ADCK1: variants seen among roughly 807,000 people sequenced by gnomAD.
ADCK1 encodes the protein aarF domain containing kinase 1.
In ADCK1, 41 loss-of-function variants were observed where a neutral mutation model predicts 52.3. The observed-to-expected ratio is 0.78, with a 90% CI of 0.61 to 1.02. The LOEUF (loss-of-function observed/expected upper bound fraction) is 1.02, where lower values mean the gene tolerates loss of function less well. Among genes scored for constraint, ADCK1 ranks in the 50% least tolerant of loss-of-function variants. The pLI is 0.00. For missense variants in ADCK1, 658 were observed against 679.5 expected, an observed-to-expected ratio of 0.97 and a Z score of 0.35; for synonymous variants, 250 against 274.6, an observed-to-expected ratio of 0.91 and a Z score of 0.89.
At chr14:77,907,730 G>A (rs1281613043) in intron 6 of ADCK1, 73 bp from the exon 7 acceptor site, 12 of 1,150,728 alleles carry the variant, frequency 1.0e-5, no homozygotes, top group East Asian at 2.6e-5. Flanking sequence ...TGTCTGGCTC[G>A]CTGTGCCACA....
chr14:77,850,798 C>T (rs1039553351), intron 3 of ADCK1, among the ~76,000 whole-genome samples: 3 of 149,250 alleles, frequency 2.0e-5, no homozygotes, highest in African/African-American at 4.9e-5. Context: ...CTACAGGTGC[C>T]CGCCACCACG....
At chr14:77,856,404 T>G (rs1030574649) in intron 3 of ADCK1, among the ~76,000 whole-genome samples, 2 of 152,190 alleles carry the variant, frequency 1.3e-5, no homozygotes, top group African/African-American at 2.4e-5. Flanking sequence ...TCTCTGTGTG[T>G]GGGGTGTGTA....
At chr14:77,927,697 G>T (rs28505869) in intron 9 of ADCK1, among the ~76,000 whole-genome samples, 15,121 of 152,182 alleles carry the variant, frequency 0.099, 840 homozygotes, top group Middle Eastern at 0.15. Flanking sequence ...GAGGCCCAAA[G>T]GACAAGAAAG....
At chr14:77,891,028 G>T (rs2083272506) in intron 5 of ADCK1, among the ~76,000 whole-genome samples, 1 of 152,188 alleles carries the variant, frequency 6.6e-6, no homozygotes, top group South Asian at 2.1e-4. Context: ...AGTGGAAGGT[G>T]GGAAGGCTGG....
intron 4 of ADCK1, among the ~76,000 whole-genome samples, chr14:77,862,177 C>G (rs1367083162): frequency 6.6e-6 from 1 of 152,170 alleles, no homozygotes; most frequent in Non-Finnish European, 1.5e-5. Flanking sequence ...AAGAAACTTA[C>G]TTTTTTTCCT....
intron 6 of ADCK1, chr14:77,902,331 T>C (rs1191196762): frequency 1.3e-5 from 2 of 152,206 alleles, no homozygotes; most frequent in East Asian, 3.8e-4. Flanking sequence ...CCCAGTATGC[T>C]TGACTGGCAT....
chr14:77,874,465 C>T lies in ADCK1; in HGVS notation c.424-12626C>T, dbSNP rs141648672. ...AAAGGCATGGAGAAGGCCTTTGGGG[C>T]AGGACTGAAGAAGTCCTTTATGGTG... On this transcript the variant is annotated intron_variant, in intron 4 of 10. Transcript: ENST00000238561. 5.5e-4 allele frequency among the ~76,000 whole-genome samples: 83 copies of T among 152,222 alleles called. 1 individual carries two copies. Among genetic ancestry groups the T allele is most frequent in the African/African-American group, 1.9e-3 (79 of 41,532 alleles).
At chr14:77,855,330 A>G (rs1055172935) in intron 3 of ADCK1, among the ~76,000 whole-genome samples, 2 of 152,218 alleles carry the variant, frequency 1.3e-5, no homozygotes, top group Admixed American at 1.3e-4. Flanking sequence ...TAGCAGCCCT[A>G]TGAGGTGTAG....
chr14:77,859,883 G>A (rs1025294685), intron 4 of ADCK1, among the ~76,000 whole-genome samples: 1 of 152,188 alleles, frequency 6.6e-6, no homozygotes, highest in Admixed American at 6.5e-5. Flanking sequence ...TACTATTGTG[G>A]TTGTTGTTTC....
Position 77,822,419 on chromosome 14 carries a change from C to T in ADCK1, c.136-16C>T. The T allele has an allele frequency of 6.2e-7, 1 of 1,607,730 alleles. No individual in the cohort carries two copies. Among genetic ancestry groups the T allele is most frequent in the Non-Finnish European group, 8.5e-7 (1 of 1,174,068 alleles). On this transcript the variant is annotated splice_polypyrimidine_tract_variant and intron_variant, in intron 2 of 10. Transcript: ENST00000238561. The stretch of plus-strand genomic sequence containing the variant: ...TGTCCAGGTGCTAAGCTTTTCTCCA[C>T]TGCCTTGGTTCACAGACGGCTGTCA...
At chr14:77,888,915 A>C (rs146764007) in intron 5 of ADCK1, among the ~76,000 whole-genome samples, 16 of 152,218 alleles carry the variant, frequency 1.1e-4, no homozygotes, top group African/African-American at 1.9e-4. Context: ...CCCAAATCTC[A>C]TCTTGAATTG....
chr14:77,909,739 G>C (rs575166791), intron 7 of ADCK1, among the ~76,000 whole-genome samples: 20 of 152,274 alleles, frequency 1.3e-4, no homozygotes, highest in African/African-American at 4.6e-4. Flanking sequence ...GTAGCTGGGT[G>C]GTGGTTGTTG....
chr14:77,913,468 C>G (rs1972615), intron 7 of ADCK1, among the ~76,000 whole-genome samples: 8,159 of 152,254 alleles, frequency 0.054, 305 homozygotes, highest in Non-Finnish European at 0.079. Context: ...AGGGCCTGAC[C>G]TGGTGATCAT....
At chr14:77,927,361 G>A (rs1053238262) in intron 9 of ADCK1, among the ~76,000 whole-genome samples, 1 of 152,168 alleles carries the variant, frequency 6.6e-6, no homozygotes, top group African/African-American at 2.4e-5. Flanking sequence ...TGTAAAATAG[G>A]GATAGGGATG....
chr14:77,865,604 G>T (rs17106499), intron 4 of ADCK1, among the ~76,000 whole-genome samples: 18,838 of 152,226 alleles, frequency 0.12, 1,264 homozygotes, highest in Middle Eastern at 0.19. Context: ...TCCCTATGTG[G>T]CCCTCAGCCA....
At chr14:77,901,825 C>T (rs1362973610) in intron 6 of ADCK1, among the ~76,000 whole-genome samples, 4 of 152,192 alleles carry the variant, frequency 2.6e-5, no homozygotes, top group Non-Finnish European at 5.9e-5. Context: ...CAGGGTTACC[C>T]CCTTTATCCC....
intron 4 of ADCK1, among the ~76,000 whole-genome samples, chr14:77,859,780 G>A (rs2082503937): frequency 1.3e-5 from 2 of 152,152 alleles, no homozygotes; most frequent in African/African-American, 2.4e-5. Flanking sequence ...CAGATTACAC[G>A]GGATAATGAA....
chr14:77,810,970 G>T (rs1018607346), intron 1 of ADCK1, among the ~76,000 whole-genome samples: 4 of 151,868 alleles, frequency 2.6e-5, no homozygotes, highest in African/African-American at 9.7e-5. Flanking sequence ...AAGTCACTCA[G>T]TCTAATTTAA....
intron 1 of ADCK1, among the ~76,000 whole-genome samples, chr14:77,804,482 T>C (rs2081176414): frequency 6.6e-6 from 1 of 152,176 alleles, no homozygotes; most frequent in Non-Finnish European, 1.5e-5. Flanking sequence ...GAGAGTTGTG[T>C]CTGCTTCGCT....
Sources: allele counts gnomAD v4.1 joint callset (sites outside exome capture counted in the v4.1 genomes callset), GRCh38; gene constraint gnomAD v4.1.1; transcripts MANE v1.5; gene names NCBI Gene and HGNC (gene_info 2026-07-23, HGNC 2026-07-21).